The following PGBD2 variants were observed in gnomAD, a reference collection of about 807,000 sequenced individuals.
The protein encoded by PGBD2 is piggyBac transposable element derived 2.
Under a neutral mutation model 8.1 loss-of-function variants are expected in PGBD2, and 6 were observed. The ratio of observed to expected loss-of-function variants is 0.74; its 90% CI spans 0.40 to 1.46. The LOEUF (loss-of-function observed/expected upper bound fraction) is 1.46. PGBD2 is among the 40% of genes most tolerant of loss of function. The pLI, the probability that PGBD2 is intolerant of heterozygous loss-of-function variation, is 0.02. For synonymous variants in PGBD2, 318 were observed against 272.2 expected (o/e 1.17, Z -1.66); for missense variants, 802 against 739.0 (o/e 1.09, Z -0.99).
At chr1:248,909,849 G>T (rs1661802935) in intron 1 of PGBD2, among the ~76,000 whole-genome samples, 2 of 152,232 alleles carry the variant, frequency 1.3e-5, no homozygotes, top group African/African-American at 4.8e-5. Flanking sequence ...CCAGCCCTCA[G>T]GAGTGGTCTG....
rs917980747 is a variant in PGBD2 at position 248,917,022 on chromosome 1, G to A, written c.438G>A (p.Glu146=). The change falls in exon 3 of 3, where the codon GAG becomes GAA. Residue 146 remains glutamate, a synonymous_variant. Transcript: ENST00000329291. ...AGCTGAGTCCCGTGGGCCTTTTTGA[G>A]TTGTTTTTTGATGAAGGAACAATTA... is the stretch of plus-strand genomic sequence containing the variant. ...SQELSPVGLF[E]LFFDEGTINF... 3 of 1,613,722 alleles carry A rather than the reference G, an allele frequency of 1.9e-6. No individual in the cohort carries two copies. Among genetic ancestry groups the A allele is most frequent in the East Asian group, 4.5e-5 (2 of 44,880 alleles).
chr1:248,927,413 C>T, the PGBD2 span, among the ~76,000 whole-genome samples: 1 of 152,164 alleles, frequency 6.6e-6, no homozygotes, highest in East Asian at 1.9e-4. Context: ...AGTTGTGATT[C>T]TATGCAGAAG....
chr1:248,899,084 G>C, the PGBD2 span, among the ~76,000 whole-genome samples: 1 of 152,038 alleles, frequency 6.6e-6, no homozygotes, highest in Admixed American at 6.5e-5. Flanking sequence ...CCCAATACTG[G>C]GGCACCCACA....
chr1:248,877,122 G>T, the PGBD2 span, among the ~76,000 whole-genome samples: 1,042 of 152,300 alleles, frequency 6.8e-3, 9 homozygotes, highest in Non-Finnish European at 0.012. Flanking sequence ...ACCACCATGA[G>T]TTCCTGGAAG....
At chr1:248,900,411 C>T in the PGBD2 span, among the ~76,000 whole-genome samples, 1 of 152,190 alleles carries the variant, frequency 6.6e-6, no homozygotes, top group African/African-American at 2.4e-5. Context: ...AAGTTGTCTT[C>T]ATCCCCAGGA....
chr1:248,874,961 AATAG>A, the PGBD2 span, among the ~76,000 whole-genome samples: 2 of 143,132 alleles, frequency 1.4e-5, no homozygotes, highest in Admixed American at 6.8e-5. Flanking sequence ...TAGATAGACA[AATAG>A]ATAGAGATAG....
At chr1:248,891,871 T>C in the PGBD2 span, among the ~76,000 whole-genome samples, 1 of 152,246 alleles carries the variant, frequency 6.6e-6, no homozygotes, top group African/African-American at 2.4e-5. Context: ...CAATCTCTTG[T>C]AAATAAAGTC....
chr1:248,913,351 T>C (rs1661978093), intron 1 of PGBD2, among the ~76,000 whole-genome samples: 1 of 152,234 alleles, frequency 6.6e-6, no homozygotes, highest in Non-Finnish European at 1.5e-5. Context: ...CTGCACTTTC[T>C]CTCTGCAGCT....
chr1:248,918,366 TC>T lies in PGBD2; in HGVS notation c.*4del. Reference sequence around the variant, plus strand: ...TCAGGGAGTACCACATCCGGTGACATCATGAGACATGCTTCTTTGGTTTATA... The same window carrying T: ...TCAGGGAGTACCACATCCGGTGACATATGAGACATGCTTCTTTGGTTTATA... On this transcript the variant is annotated 3_prime_UTR_variant, in exon 3 of 3. Coordinates refer to ENST00000329291, the MANE Select transcript of PGBD2 (RefSeq NM_170725.3). 1.3e-6 allele frequency: 2 copies of T among 1,530,820 alleles called. No individual in the cohort carries two copies. The highest frequency in any genetic ancestry group is 2.3e-5 in the East Asian group (1 of 44,200). The allele number at this position is 1,530,820 out of a possible 1,614,324, so 94.8% of individuals were successfully genotyped here. A position where few individuals can be genotyped will look rare whatever the true frequency, so the allele number is the denominator to read the frequency against.
the PGBD2 span, among the ~76,000 whole-genome samples, chr1:248,888,926 G>C: frequency 6.6e-6 from 1 of 152,076 alleles, no homozygotes; most frequent in African/African-American, 2.4e-5. Context: ...CTGAGAAGTA[G>C]GAGTCTAATT....
the PGBD2 span, among the ~76,000 whole-genome samples, chr1:248,887,348 T>C: frequency 0.024 from 3,618 of 152,312 alleles, 74 homozygotes; most frequent in East Asian, 0.072. Context: ...AGTCTTTCCT[T>C]GTCTTTTTTG....
At chr1:248,874,316 GA>G in the PGBD2 span, among the ~76,000 whole-genome samples, 1 of 152,180 alleles carries the variant, frequency 6.6e-6, no homozygotes, top group Non-Finnish European at 1.5e-5. Flanking sequence ...TCCCGGTCAG[GA>G]AAGTAAGCCG....
At chr1:248,925,126 C>T in the PGBD2 span, among the ~76,000 whole-genome samples, 3 of 152,096 alleles carry the variant, frequency 2.0e-5, no homozygotes, top group Non-Finnish European at 2.9e-5. Flanking sequence ...CCTTCCTCAG[C>T]GCTGCCACAG....
At chr1:248,929,552 G>A in the PGBD2 span, among the ~76,000 whole-genome samples, 3 of 152,274 alleles carry the variant, frequency 2.0e-5, no homozygotes, top group South Asian at 2.1e-4. Flanking sequence ...AGTCAGGAGC[G>A]TCTCCCCTTG....
chr1:248,879,786 G>A, the PGBD2 span, among the ~76,000 whole-genome samples: 28 of 152,110 alleles, frequency 1.8e-4, no homozygotes, highest in Non-Finnish European at 4.1e-4. Flanking sequence ...GTAAGATTCG[G>A]ACCATATGTC....
In PGBD2 at chr1:248,918,302, G is replaced by C. The variant is rs376650272; in HGVS notation, c.1718G>C (p.Arg573Pro). ...CTCTGCCACTCACAGACCAACACCC[G>C]GTGTGAGAAGTGCCAGAAGGGTGTC... ...CALCHSQTNT[R>P]CEKCQKGVHA... Residue 573 changes from arginine to proline, a missense_variant, in exon 3 of 3, where the codon CGG becomes CCG. Physicochemically the swap from Arg to Pro is moderately radical, Grantham distance 103 (BLOSUM62 -2). Transcript: ENST00000329291. 1 of 1,593,918 alleles carries C rather than the reference G, an allele frequency of 6.3e-7. No individual in the cohort carries two copies. The highest frequency in any genetic ancestry group is 8.5e-7 in the Non-Finnish European group (1 of 1,169,760).
the PGBD2 span, among the ~76,000 whole-genome samples, chr1:248,881,106 G>A: frequency 9.1e-4 from 139 of 152,206 alleles, 3 homozygotes; most frequent in Non-Finnish European, 6.2e-4. Context: ...CAAACATCCC[G>A]TGGAGTATCT....
chr1:248,904,704 G>C (rs1335398353), upstream of PGBD2, among the ~76,000 whole-genome samples: 1 of 152,132 alleles, frequency 6.6e-6, no homozygotes, highest in Non-Finnish European at 1.5e-5. Context: ...CTTGAATTCT[G>C]CATGGGGAAT....
At chr1:248,902,081 C>T (rs1661543495), upstream of PGBD2, among the ~76,000 whole-genome samples, 1 of 152,020 alleles carries the variant, frequency 6.6e-6, no homozygotes, top group Non-Finnish European at 1.5e-5. Flanking sequence ...CCAGCCTGGC[C>T]AACATGGTGA....
Sources: allele counts gnomAD v4.1 joint callset (sites outside exome capture counted in the v4.1 genomes callset), GRCh38; gene constraint gnomAD v4.1.1; transcripts MANE v1.5; gene names NCBI Gene and HGNC (gene_info 2026-07-23, HGNC 2026-07-21).